Variants in CUEDC1 observed in about 807,000 individuals in gnomAD.
CUEDC1 encodes the protein CUE domain-containing protein 1.
CUEDC1 carries 30 observed loss-of-function variants against 43.7 expected under a neutral mutation model. The observed-to-expected ratio is 0.69, with a 90% confidence interval of 0.51 to 0.93. The LOEUF (loss-of-function observed/expected upper bound fraction) is 0.93, where lower values mean the gene tolerates loss of function less well. Among genes scored for constraint, CUEDC1 ranks in the 40% least tolerant of loss-of-function variants. CUEDC1 has a pLI of 0.00. For synonymous variants in CUEDC1, 223 were observed against 223.6 expected (o/e 1.00, Z 0.02); for missense variants, 486 against 549.0 (o/e 0.89, Z 1.15).
intron 1 of CUEDC1, among the ~76,000 whole-genome samples, chr17:57,932,723 G>A (rs1385462307): frequency 1.3e-5 from 2 of 151,604 alleles, no homozygotes; most frequent in Admixed American, 6.6e-5. Context: ...TTAGCTGCGC[G>A]TGGTGGCAGG....
Position 57,871,298 on chromosome 17 carries a change from A to G in CUEDC1, c.856T>C (p.Ser286Pro). The G allele has an allele frequency of 1.2e-6, 2 of 1,613,608 alleles. No homozygotes were observed. The highest frequency in any genetic ancestry group is 1.7e-6 in the Non-Finnish European group (2 of 1,179,530). The change falls in exon 6 of 11, where the codon TCT (serine) becomes CCT (proline). Residue 286 changes from serine (S) to proline (P), a missense_variant. Transcript: ENST00000577830. ...VAVGNDFGFSSPVPGTGDANP... is the reference protein window; with the variant it reads ...VAVGNDFGFSPPVPGTGDANP... ...AAGGCAAAGTTACCTGGGACAGGAG[A>G]GGAAAAGCCAAAGTCGTTTCCGACA... is the stretch of plus-strand genomic sequence containing the variant.
At chr17:57,872,893 A>G (rs1162985910) in intron 4 of CUEDC1, 38 bp from the exon 5 acceptor site, 66 of 1,571,230 alleles carry the variant, frequency 4.2e-5, no homozygotes, top group Non-Finnish European at 5.7e-5. Flanking sequence ...GTGTACACAC[A>G]AGGGTACATG....
At chr17:57,893,349 A>ATGTGTGTGTGTGTGTGTGTGTGTATG (rs2074375217) in intron 1 of CUEDC1, among the ~76,000 whole-genome samples, 1 of 148,262 alleles carries the variant, frequency 6.7e-6, no homozygotes, top group Non-Finnish European at 1.5e-5. Context: ...CTCTCAGGGT[A>ATGTGTGTGTGTGTGTGTGTGTGTATG]TGTGTGTGTG....
rs1378883172 is a variant in CUEDC1 at position 57,954,712 on chromosome 17, C to A, written c.-316+513G>T. 6.6e-6 allele frequency among the ~76,000 whole-genome samples: 1 copy of A among 152,054 alleles called. No individual in the cohort carries two copies. Among genetic ancestry groups the A allele is most frequent in the East Asian group, 1.9e-4 (1 of 5,148 alleles). On this transcript the variant is annotated intron_variant, in intron 1 of 10. Coordinates refer to ENST00000577830, the MANE Select transcript of CUEDC1 (RefSeq NM_001271875.2). This position sits in a 1 kb window ranked among gnomAD's most constrained non-coding sequence, Gnocchi z 4.3. ...TGTGACATCGGCGGGGGGCAGGAAG[C>A]GAAGCTCCCCTCCCCCTGAAAGGCG... is the stretch of plus-strand genomic sequence containing the variant.
intron 1 of CUEDC1, among the ~76,000 whole-genome samples, chr17:57,917,819 G>A (rs1418287741): frequency 6.6e-6 from 1 of 152,236 alleles, no homozygotes; most frequent in African/African-American, 2.4e-5. Context: ...CGTGCACTGA[G>A]GCAGGGGCAG....
rs56137797 is a variant in CUEDC1, at chr17:57,932,281, C to CAA, written c.-316+22942_-316+22943dup. On this transcript the variant is annotated intron_variant, in intron 1 of 10. Coordinates refer to ENST00000577830, the MANE Select transcript of CUEDC1 (RefSeq NM_001271875.2). ...TGGGCAACAAAGTGACACTGTGTCTCAAAAAAAAAAAAAAAAAAAAAAGGC... is the reference window on the plus strand; with the variant it reads ...TGGGCAACAAAGTGACACTGTGTCTCAAAAAAAAAAAAAAAAAAAAAAAAGGC... Among the ~76,000 whole-genome samples, 256 of 121,850 alleles carry CAA rather than the reference C, an allele frequency of 2.1e-3. 10 individuals carry two copies. The highest frequency in any genetic ancestry group is 0.01 in the African/African-American group (230 of 22,442). 79.9% of individuals were successfully genotyped at this position (121,850 alleles called of 152,430 possible).
chr17:57,865,828 T>C (rs1199274585), intron 10 of CUEDC1, among the ~76,000 whole-genome samples: 2 of 150,494 alleles, frequency 1.3e-5, no homozygotes, highest in Non-Finnish European at 3.0e-5. Flanking sequence ...TTTTTCTTTT[T>C]TTTTTTTTTT....
At chr17:57,877,155 C>T (rs1184782195) in intron 3 of CUEDC1, among the ~76,000 whole-genome samples, 1 of 152,202 alleles carries the variant, frequency 6.6e-6, no homozygotes, top group African/African-American at 2.4e-5. Context: ...GCTCCAGAAC[C>T]TCAAGCAAGA....
At chr17:57,891,132 A>G (rs1331280069) in intron 1 of CUEDC1, among the ~76,000 whole-genome samples, 2 of 152,106 alleles carry the variant, frequency 1.3e-5, no homozygotes, top group Non-Finnish European at 2.9e-5. Flanking sequence ...CATGTGCTCC[A>G]ACCTCTCATG....
intron 1 of CUEDC1, among the ~76,000 whole-genome samples, chr17:57,938,235 T>C (rs888711461): frequency 3.9e-5 from 6 of 152,224 alleles, no homozygotes; most frequent in African/African-American, 1.4e-4. Flanking sequence ...TTACACAGTT[T>C]CAAGTGTAGA....
chr17:57,923,317 G>A (rs1210238859), intron 1 of CUEDC1, among the ~76,000 whole-genome samples: 1 of 152,198 alleles, frequency 6.6e-6, no homozygotes, highest in Non-Finnish European at 1.5e-5. Context: ...ATTAGGGCAT[G>A]AAGACTCAGA....
chr17:57,866,281 C>CA (rs963107195), intron 10 of CUEDC1, among the ~76,000 whole-genome samples, 193 bp downstream of exon 10: 7 of 152,100 alleles, frequency 4.6e-5, no homozygotes, highest in African/African-American at 1.7e-4. Flanking sequence ...AATAAATAAC[C>CA]AAAAAAGACA....
intron 5 of CUEDC1, 77 bp from the exon 6 acceptor site, chr17:57,871,446 A>C (rs1052999406): frequency 5.0e-6 from 6 of 1,191,814 alleles, no homozygotes; most frequent in Admixed American, 3.5e-5. Context: ...GGGACACGGT[A>C]GTTTGCTAGA....
Position 57,862,708 on chromosome 17 carries a change from C to A in CUEDC1, c.*581G>T, listed in dbSNP as rs2073898318. The stretch of plus-strand genomic sequence containing the variant: ...AGGGACCTCCCACCCAGGCTGGGTG[C>A]AGGGCTCGTGTGCTGGGCCAGCAGC... On this transcript the variant is annotated 3_prime_UTR_variant, in exon 11 of 11. Coordinates refer to ENST00000577830, the MANE Select transcript of CUEDC1 (RefSeq NM_001271875.2). The A allele has an allele frequency of 6.6e-6, 1 of 152,506 alleles. No individual in the cohort carries two copies. Among genetic ancestry groups the A allele is most frequent in the Non-Finnish European group, 1.5e-5 (1 of 68,322 alleles). The allele number at this position is 152,506 out of a possible 1,614,324, so 9.4% of individuals were successfully genotyped here.
At chr17:57,897,319 A>G (rs1022693357) in intron 1 of CUEDC1, among the ~76,000 whole-genome samples, 8 of 152,168 alleles carry the variant, frequency 5.3e-5, no homozygotes, top group Admixed American at 1.3e-4. Context: ...TGGAATCCAA[A>G]CAGTCTGGCC....
intron 3 of CUEDC1, 28 bp downstream of exon 3, chr17:57,879,583 T>G (rs751396282): frequency 1.3e-6 from 2 of 1,567,998 alleles, no homozygotes; most frequent in East Asian, 4.8e-5. Context: ...CCTGCCACCC[T>G]GTGCTCTGAG....
chr17:57,885,726 C>G lies in CUEDC1; in HGVS notation c.-162G>C. ...GGCAGCAATGGGCTGCCAAGAGCTC[C>G]GGGTTAGGAGAGTACGGGCGCGGGG... is the stretch of plus-strand genomic sequence containing the variant. On this transcript the variant is annotated 5_prime_UTR_variant, in exon 2 of 11. Transcript: ENST00000577830. 1 of 1,194,782 alleles carries G rather than the reference C, an allele frequency of 8.4e-7. No homozygotes were observed. Among genetic ancestry groups the G allele is most frequent in the African/African-American group, 1.6e-5 (1 of 61,988 alleles). 74.0% of individuals were successfully genotyped at this position (1,194,782 alleles called of 1,614,324 possible).
At chr17:57,918,878 G>C (rs2074671529) in intron 1 of CUEDC1, among the ~76,000 whole-genome samples, 1 of 152,102 alleles carries the variant, frequency 6.6e-6, no homozygotes. Context: ...TTCTGAGATG[G>C]AGTCTCACTC....
intron 1 of CUEDC1, among the ~76,000 whole-genome samples, chr17:57,921,260 T>C (rs140974383): frequency 1.8e-3 from 274 of 152,294 alleles, no homozygotes; most frequent in Non-Finnish European, 3.2e-3. Context: ...GGAACCCCCT[T>C]CCCCTCTCAG....
Sources: allele counts gnomAD v4.1 joint callset (sites outside exome capture counted in the v4.1 genomes callset), GRCh38; gene constraint gnomAD v4.1.1; non-coding constraint Gnocchi (gnomAD v3.1); transcripts MANE v1.5; gene names NCBI Gene and HGNC (gene_info 2026-07-23, HGNC 2026-07-21).